MTRF1: variants seen among roughly 807,000 people sequenced by gnomAD.
The protein encoded by MTRF1 is mitochondrial translation release factor 1.
A neutral mutation model predicts 62.9 loss-of-function variants in MTRF1; 51 were observed. The ratio of observed to expected loss-of-function variants is 0.81; its 90% CI spans 0.65 to 1.02. The LOEUF (loss-of-function observed/expected upper bound fraction) is 1.02, where lower values mean the gene tolerates loss of function less well. MTRF1 is among the 50% of genes least tolerant of loss of function. The pLI is 0.00. For synonymous variants in MTRF1, 158 were observed against 181.9 expected (o/e 0.87, Z 1.06); for missense variants, 446 against 530.0 (o/e 0.84, Z 1.56).
At chr13:41,283,396 T>C in the MTRF1 span, among the ~76,000 whole-genome samples, 46 of 152,244 alleles carry the variant, frequency 3.0e-4, no homozygotes, top group African/African-American at 1.1e-3. Flanking sequence ...TAATGTCCCA[T>C]ATCAAGGTAG....
At chr13:41,304,334 G>T in the MTRF1 span, among the ~76,000 whole-genome samples, 42 of 152,252 alleles carry the variant, frequency 2.8e-4, no homozygotes, top group African/African-American at 9.9e-4. Flanking sequence ...CTATTCACAG[G>T]CACAATCACA....
the MTRF1 span, among the ~76,000 whole-genome samples, chr13:41,272,753 G>A: frequency 1.3e-5 from 2 of 152,082 alleles, no homozygotes; most frequent in Non-Finnish European, 1.5e-5. Flanking sequence ...TGCTGGGTGC[G>A]AGTTCAAACT....
chr13:41,307,689 CTTCCCG>C, the MTRF1 span, among the ~76,000 whole-genome samples: 4 of 152,088 alleles, frequency 2.6e-5, no homozygotes, highest in Admixed American at 6.6e-5. Flanking sequence ...GATGTGCCTG[CTTCCCG>C]TTTGCCTTCC....
At chr13:41,239,511 G>A (rs1190863369) in intron 6 of MTRF1, among the ~76,000 whole-genome samples, 1 of 151,844 alleles carries the variant, frequency 6.6e-6, no homozygotes, top group African/African-American at 2.4e-5. Context: ...CTGACCTCAG[G>A]TGAAGGTTAT....
intron 1 of MTRF1, chr13:41,261,240 A>C (rs2139208385): frequency 5.3e-6 from 1 of 187,610 alleles, no homozygotes; most frequent in Non-Finnish European, 1.1e-5. Context: ...AGTCTGAGGC[A>C]GGAGAATTGC....
upstream of MTRF1, among the ~76,000 whole-genome samples, chr13:41,263,849 A>G (rs1055450804): frequency 6.6e-6 from 1 of 151,702 alleles, no homozygotes; most frequent in Non-Finnish European, 1.5e-5. Context: ...CTAAACTACA[A>G]CTCCCAGAGC....
the MTRF1 span, among the ~76,000 whole-genome samples, chr13:41,290,199 G>A: frequency 1.3e-4 from 18 of 141,496 alleles, no homozygotes; most frequent in African/African-American, 4.5e-4. Flanking sequence ...CGGGTTTTAC[G>A]CCATTCTCCT....
intron 1 of MTRF1, 97 bp downstream of exon 1, chr13:41,263,388 A>G (rs1265372849): frequency 2.2e-6 from 2 of 905,576 alleles, no homozygotes; most frequent in Non-Finnish European, 3.1e-6. Context: ...GGGCAGCAGC[A>G]CGGGCAAACC....
the MTRF1 span, chr13:41,311,687 T>C: frequency 9.8e-6 from 10 of 1,023,408 alleles, no homozygotes; most frequent in African/African-American, 1.5e-4. Flanking sequence ...TGGCCTCCGC[T>C]GCCCACCGCT....
At chr13:41,275,993 A>G in the MTRF1 span, among the ~76,000 whole-genome samples, 1 of 152,182 alleles carries the variant, frequency 6.6e-6, no homozygotes, top group Non-Finnish European at 1.5e-5. Flanking sequence ...TCTAGGGACA[A>G]TAATCATTTG....
intron 9 of MTRF1, chr13:41,220,754 T>C (rs2033161017): frequency 2.2e-6 from 1 of 453,656 alleles, no homozygotes; most frequent in Non-Finnish European, 4.1e-6. Flanking sequence ...TGAAGATGCT[T>C]TCTCTTGGTG....
chr13:41,274,692 ATAT>A, the MTRF1 span, among the ~76,000 whole-genome samples: 17 of 150,068 alleles, frequency 1.1e-4, no homozygotes, highest in Admixed American at 2.0e-4. Flanking sequence ...AATAATAATA[ATAT>A]TATTTTTTGA....
At chr13:41,285,840 G>C in the MTRF1 span, among the ~76,000 whole-genome samples, 1 of 152,102 alleles carries the variant, frequency 6.6e-6, no homozygotes, top group Non-Finnish European at 1.5e-5. Flanking sequence ...CAACCCTGCA[G>C]ATTGCCTGAG....
the MTRF1 span, among the ~76,000 whole-genome samples, chr13:41,277,126 A>C: frequency 6.7e-6 from 1 of 150,042 alleles, no homozygotes; most frequent in Admixed American, 6.8e-5. Flanking sequence ...CACATCAATT[A>C]AACTTTTTTT....
At chr13:41,283,163 A>G in the MTRF1 span, among the ~76,000 whole-genome samples, 1 of 152,232 alleles carries the variant, frequency 6.6e-6, no homozygotes, top group Admixed American at 6.5e-5. Flanking sequence ...GATAGAATCT[A>G]GCAGCTCTTC....
intron 7 of MTRF1, 145 bp from the exon 8 acceptor site, chr13:41,226,713 C>T: frequency 2.2e-6 from 2 of 923,130 alleles, no homozygotes; most frequent in Admixed American, 5.4e-5. Flanking sequence ...CAGAAACTAG[C>T]TGGGTTATGA....
chr13:41,285,967 G>C, the MTRF1 span, among the ~76,000 whole-genome samples: 1 of 151,772 alleles, frequency 6.6e-6, no homozygotes, highest in Non-Finnish European at 1.5e-5. Context: ...GGGAGGCTGA[G>C]GCAGGAGAAT....
At chr13:41,222,287 T>C (rs2138674867) in intron 9 of MTRF1, among the ~76,000 whole-genome samples, 1 of 152,216 alleles carries the variant, frequency 6.6e-6, no homozygotes, top group East Asian at 1.9e-4. Flanking sequence ...TATATATTTA[T>C]GTCAGTGGTC....
At chr13:41,260,167 T>C (rs188704195) in intron 2 of MTRF1, among the ~76,000 whole-genome samples, 138 of 152,182 alleles carry the variant, frequency 9.1e-4, no homozygotes, top group African/African-American at 3.2e-3. Context: ...TGTAGGTTTT[T>C]TTAAAAGACT....
Sources: allele counts gnomAD v4.1 joint callset (sites outside exome capture counted in the v4.1 genomes callset), GRCh38; gene constraint gnomAD v4.1.1; transcripts MANE v1.5; gene names NCBI Gene and HGNC (gene_info 2026-07-23, HGNC 2026-07-21).